The following ZFPM2 variants were observed in gnomAD, a reference collection of about 807,000 sequenced individuals.
ZFPM2 encodes zinc finger protein, FOG family member 2, also known as zinc finger protein ZFPM2.
A neutral mutation model predicts 98.6 loss-of-function variants in ZFPM2; 20 were observed. That is an observed-to-expected ratio of 0.20 (90% CI 0.14 to 0.29). The LOEUF is 0.29. Ranked by LOEUF, ZFPM2 falls within the 10% of genes least tolerant of loss-of-function variation. ZFPM2 has a pLI of 1.00. For missense variants in ZFPM2, 1,310 were observed against 1,388.6 expected, an observed-to-expected ratio of 0.94 and a Z score of 0.90; for synonymous variants, 518 against 502.7, an observed-to-expected ratio of 1.03 and a Z score of -0.41.
At chr8:105,753,018 C>T (rs1812513243) in intron 5 of ZFPM2, among the ~76,000 whole-genome samples, 1 of 152,056 alleles carries the variant, frequency 6.6e-6, no homozygotes, top group East Asian at 1.9e-4. Context: ...CATCTGATTT[C>T]TGAGTGTGTT....
chr8:105,490,871 CAT>C (rs1813343156), intron 3 of ZFPM2, among the ~76,000 whole-genome samples: 2 of 151,936 alleles, frequency 1.3e-5, no homozygotes, highest in Admixed American at 1.3e-4. Flanking sequence ...CATTTTCTAA[CAT>C]ATAACTAATG....
chr8:105,600,654 T>A (rs1224860248), intron 4 of ZFPM2, among the ~76,000 whole-genome samples: 2 of 152,136 alleles, frequency 1.3e-5, no homozygotes, highest in African/African-American at 4.8e-5. Flanking sequence ...TTTTATTTTT[T>A]TAAAATTGTT....
intron 1 of ZFPM2, among the ~76,000 whole-genome samples, chr8:105,398,408 C>G (rs2129970305): frequency 6.6e-6 from 1 of 152,270 alleles, no homozygotes; most frequent in African/African-American, 2.4e-5. Flanking sequence ...CCTTTTAGAA[C>G]AAACATTGTG....
intron 5 of ZFPM2, among the ~76,000 whole-genome samples, chr8:105,681,026 G>A (rs1810588172): frequency 6.6e-6 from 1 of 152,128 alleles, no homozygotes; most frequent in Admixed American, 6.5e-5. Context: ...CACTAAAAGT[G>A]GAATGGAAAC....
At chr8:105,559,583 A>G (rs939857478) in intron 3 of ZFPM2, among the ~76,000 whole-genome samples, 3 of 152,188 alleles carry the variant, frequency 2.0e-5, no homozygotes, top group Non-Finnish European at 4.4e-5. Context: ...AGATATAGAT[A>G]AATTTAAATT....
At chr8:105,772,932 G>A (rs984795965) in intron 5 of ZFPM2, among the ~76,000 whole-genome samples, 2 of 152,162 alleles carry the variant, frequency 1.3e-5, no homozygotes, top group African/African-American at 4.8e-5. Flanking sequence ...ACATGGGCAC[G>A]TGAGTTGAAT....
At chr8:105,699,355 G>A (rs903617544) in intron 5 of ZFPM2, among the ~76,000 whole-genome samples, 14 of 152,024 alleles carry the variant, frequency 9.2e-5, no homozygotes, top group African/African-American at 2.9e-4. Context: ...ATAATAAGTG[G>A]ATTTCCAAGA....
intron 1 of ZFPM2, among the ~76,000 whole-genome samples, chr8:105,331,005 A>G (rs2129635631): frequency 6.6e-6 from 1 of 151,366 alleles, no homozygotes; most frequent in Non-Finnish European, 1.5e-5. Flanking sequence ...CTAAAGGTTA[A>G]TAACCTGTTT....
At position 105,426,677 on chromosome 8, in the gene ZFPM2, G is replaced by T. The variant is rs201328329; in HGVS notation, c.199+7375G>T. Among the ~76,000 whole-genome samples the T allele has an allele frequency of 7.9e-5, 12 of 152,276 alleles. No homozygotes were observed. The East Asian group carries it at 2.3e-3, about 29-fold the overall frequency. ...GGCTAGTGTCCTATAGGCCGGGGCG[G>T]TGGCTCACACCTGTAATCCTAGCAC... On this transcript the variant is annotated intron_variant, in intron 2 of 7. Coordinates refer to ENST00000407775, the MANE Select transcript of ZFPM2 (RefSeq NM_012082.4).
rs564121883 is a variant in ZFPM2, at chr8:105,590,753, C to T, written c.420+29272C>T. 6.2e-5 allele frequency among the ~76,000 whole-genome samples: 9 copies of T among 145,968 alleles called. No individual in the cohort carries two copies. The East Asian group carries it at 7.8e-4, about 13-fold the overall frequency. On this transcript the variant is annotated intron_variant, in intron 4 of 7. Coordinates refer to ENST00000407775, the MANE Select transcript of ZFPM2 (RefSeq NM_012082.4). Reference sequence around the variant, plus strand: ...ATGAGTGTGCAAGTGCATGTGCATACGTGCGCACGCACACACACACACACA... The same window carrying T: ...ATGAGTGTGCAAGTGCATGTGCATATGTGCGCACGCACACACACACACACA...
chr8:105,483,180 A>G (rs1813158975), intron 3 of ZFPM2, among the ~76,000 whole-genome samples: 1 of 151,286 alleles, frequency 6.6e-6, no homozygotes, highest in African/African-American at 2.5e-5. Context: ...TTCTTGAAAT[A>G]AATTAGTAGT....
At chr8:105,561,579 C>G in intron 4 of ZFPM2, 98 bp downstream of exon 4, 1 of 974,310 alleles carries the variant, frequency 1.0e-6, no homozygotes, top group Non-Finnish European at 1.5e-6. Flanking sequence ...AATGAAATCA[C>G]TAAAAATAAC....
chr8:105,552,273 T>G (rs904118242), intron 3 of ZFPM2, among the ~76,000 whole-genome samples: 4 of 152,178 alleles, frequency 2.6e-5, no homozygotes, highest in Admixed American at 6.6e-5. Flanking sequence ...GACTTTTAGC[T>G]GCTGCACATT....
chr8:105,750,063 G>T (rs1428264427), intron 5 of ZFPM2, among the ~76,000 whole-genome samples: 2 of 152,032 alleles, frequency 1.3e-5, no homozygotes, highest in African/African-American at 4.8e-5. Flanking sequence ...CGATAAAAAT[G>T]AGATTAATAT....
At chr8:105,618,678 C>T (rs574605899) in intron 4 of ZFPM2, among the ~76,000 whole-genome samples, 50 of 152,202 alleles carry the variant, frequency 3.3e-4, no homozygotes, top group Non-Finnish European at 5.7e-4. Context: ...ACCAAAATGA[C>T]CCTATGACAT....
intron 4 of ZFPM2, among the ~76,000 whole-genome samples, chr8:105,577,143 T>C (rs1815484615): frequency 1.3e-5 from 2 of 152,288 alleles, no homozygotes; most frequent in South Asian, 4.2e-4. Flanking sequence ...ACTCAGTATT[T>C]ATTTAGCATG....
intron 5 of ZFPM2, among the ~76,000 whole-genome samples, chr8:105,773,252 T>A (rs1813023439): frequency 6.6e-6 from 1 of 152,198 alleles, no homozygotes; most frequent in Admixed American, 6.6e-5. Context: ...GGAAAGGGCA[T>A]CTATGTACTA....
Position 105,322,057 on chromosome 8 carries a change from T to C in ZFPM2, c.40+3076T>C, listed in dbSNP as rs144732689. Among the ~76,000 whole-genome samples the C allele has an allele frequency of 3.3e-3, 506 of 152,242 alleles. 4 individuals are homozygous for C. Among genetic ancestry groups the C allele is most frequent in the African/African-American group, 0.011 (476 of 41,546 alleles). On this transcript the variant is annotated intron_variant, in intron 1 of 7. Transcript: ENST00000407775. ...CTGCCCTCCCCTCAGAAGCTTTCTC[T>C]CATAAGCTATTATTGTAATCCTGGT...
intron 1 of ZFPM2, chr8:105,387,577 G>C (rs1449135522): frequency 6.5e-6 from 1 of 153,078 alleles, no homozygotes. Context: ...CTGGCTGGCC[G>C]CTCTGAGTGC....
Sources: allele counts gnomAD v4.1 joint callset (sites outside exome capture counted in the v4.1 genomes callset), GRCh38; gene constraint gnomAD v4.1.1; transcripts MANE v1.5; gene names NCBI Gene and HGNC (gene_info 2026-07-23, HGNC 2026-07-21).